The following UBTD1 variants were observed in gnomAD, a reference collection of about 807,000 sequenced individuals.
UBTD1 encodes the protein ubiquitin domain containing 1.
In UBTD1, 19 loss-of-function variants were observed where a neutral mutation model predicts 21.7. The observed-to-expected ratio is 0.87, with a 90% CI of 0.61 to 1.28. The LOEUF (loss-of-function observed/expected upper bound fraction) is 1.28, where lower values mean the gene tolerates loss of function less well. Ranked by LOEUF, UBTD1 falls within the 50% of genes most tolerant of loss-of-function variation. The probability of loss-of-function intolerance (pLI) is 0.00; values close to 1 mark genes in which losing one functional copy is unlikely to be tolerated. For missense variants in UBTD1, 282 were observed against 315.1 expected (o/e 0.89, Z 0.80); for synonymous variants, 116 against 135.1 (o/e 0.86, Z 0.98).
At chr10:97,554,591 C>G (rs2040655443) in intron 1 of UBTD1, among the ~76,000 whole-genome samples, 1 of 152,140 alleles carries the variant, frequency 6.6e-6, no homozygotes, top group Non-Finnish European at 1.5e-5. Flanking sequence ...CACTGTGTCA[C>G]CCAGGCTGGG....
At chr10:97,564,784 G>A (rs1026792014) in intron 1 of UBTD1, among the ~76,000 whole-genome samples, 3 of 152,118 alleles carry the variant, frequency 2.0e-5, no homozygotes, top group African/African-American at 4.8e-5. Context: ...AGCTGGTCTC[G>A]AACTCCTGAC....
At chr10:97,561,704 C>T (rs145199159) in intron 1 of UBTD1, among the ~76,000 whole-genome samples, 5,192 of 151,836 alleles carry the variant, frequency 0.034, 306 homozygotes, top group African/African-American at 0.12. Flanking sequence ...GGCCTGGCGC[C>T]GGGCTGCCTG....
chr10:97,555,600 G>A (rs2040660193), intron 1 of UBTD1, among the ~76,000 whole-genome samples: 2 of 152,168 alleles, frequency 1.3e-5, no homozygotes, highest in African/African-American at 4.8e-5. Flanking sequence ...TCCCTTTTAA[G>A]GGCTCACAAC....
At chr10:97,516,192 C>T (rs1039660221) in intron 1 of UBTD1, among the ~76,000 whole-genome samples, 2 of 152,196 alleles carry the variant, frequency 1.3e-5, no homozygotes, top group African/African-American at 4.8e-5. Context: ...AGGATTTTGG[C>T]AAGGCAGCCT....
intron 1 of UBTD1, among the ~76,000 whole-genome samples, chr10:97,526,371 C>G (rs2040488544): frequency 6.6e-6 from 1 of 152,210 alleles, no homozygotes; most frequent in East Asian, 1.9e-4. Flanking sequence ...TGCACTAAGA[C>G]TTTGATTCTA....
At chr10:97,548,969 C>G (rs777212790) in intron 1 of UBTD1, among the ~76,000 whole-genome samples, 10 of 152,184 alleles carry the variant, frequency 6.6e-5, no homozygotes. Flanking sequence ...GACTCACGGA[C>G]CAGAGAGCAG....
At chr10:97,529,067 C>T (rs958676600) in intron 1 of UBTD1, among the ~76,000 whole-genome samples, 8 of 151,440 alleles carry the variant, frequency 5.3e-5, no homozygotes, top group East Asian at 2.0e-4. Context: ...CAGGCAGAGA[C>T]GCTCCTCACC....
intron 1 of UBTD1, among the ~76,000 whole-genome samples, chr10:97,511,316 CTG>C (rs758517494): frequency 6.6e-6 from 1 of 152,106 alleles, no homozygotes; most frequent in Admixed American, 6.5e-5. Context: ...GTGATGTTAA[CTG>C]TGTGTCTTGA....
intron 1 of UBTD1, among the ~76,000 whole-genome samples, chr10:97,545,425 T>G (rs1201799104): frequency 2.3e-4 from 5 of 21,678 alleles, no homozygotes; most frequent in East Asian, 1.4e-3. Flanking sequence ...TGGGTGTGTG[T>G]GTGTGGGTGT....
intron 1 of UBTD1, among the ~76,000 whole-genome samples, chr10:97,552,287 T>G (rs1392566785): frequency 6.6e-6 from 1 of 151,690 alleles, no homozygotes; most frequent in Non-Finnish European, 1.5e-5. Context: ...GGTGGGAGCA[T>G]CGCTTGAGCC....
rs200875865 is a variant in UBTD1, at chr10:97,570,487, G to C, written c.648G>C (p.Gln216His). The change falls in exon 3 of 3, where the codon CAG becomes CAC. Residue 216 changes from glutamine to histidine, a missense_variant. Gln to His is a conservative substitution (Grantham distance 24). Coordinates refer to ENST00000370664, the MANE Select transcript of UBTD1 (RefSeq NM_024954.5). This position sits in a 1 kb window ranked among gnomAD's most constrained non-coding sequence, Gnocchi z 6.6. ...AGATCCAGAAAGATTTTGTCATCCAGGTCATCATCAACCAGCCCCCACCAC... is the reference window on the plus strand; with the variant it reads ...AGATCCAGAAAGATTTTGTCATCCACGTCATCATCAACCAGCCCCCACCAC... Reference protein sequence around the residue: ...ETKIQKDFVIQVIINQPPPPQ... With the variant: ...ETKIQKDFVIHVIINQPPPPQ... The C allele has an allele frequency of 8.5e-5, 137 of 1,610,492 alleles. 2 individuals carry two copies. Among genetic ancestry groups the C allele is most frequent in the Non-Finnish European group, 1.4e-5 (17 of 1,178,076 alleles).
At chr10:97,505,358 C>G (rs949508023) in intron 1 of UBTD1, among the ~76,000 whole-genome samples, 5 of 152,094 alleles carry the variant, frequency 3.3e-5, no homozygotes, top group African/African-American at 1.2e-4. Context: ...GTGTGGAGGT[C>G]AAGATATTAT....
intron 1 of UBTD1, among the ~76,000 whole-genome samples, chr10:97,533,080 C>T (rs760644668): frequency 2.2e-4 from 33 of 152,308 alleles, no homozygotes; most frequent in Non-Finnish European, 3.5e-4. Flanking sequence ...TGGGTCACCA[C>T]GGCGACAAGA....
chr10:97,562,120 C>T (rs75934312), intron 1 of UBTD1, among the ~76,000 whole-genome samples: 5,190 of 152,178 alleles, frequency 0.034, 302 homozygotes, highest in African/African-American at 0.12. Flanking sequence ...AACATTAAAA[C>T]GGTCCAGGCG....
At position 97,550,163 on chromosome 10, in the gene UBTD1, A is replaced by G. The variant is rs1589880467; in HGVS notation, c.71-17751A>G. On this transcript the variant is annotated intron_variant, in intron 1 of 2. Transcript: ENST00000370664. ...CTGGTGTGAGAGCCGTGTCTCTCAC[A>G]CCAGCCAGAGCAAGCCCAGACTTGT... Among the ~76,000 whole-genome samples, 3 of 152,026 alleles carry G rather than the reference A, an allele frequency of 2.0e-5. No individual in the cohort carries two copies. The South Asian group carries it at 6.2e-4, about 32-fold the overall frequency.
At chr10:97,569,580 G>C (rs1008220549) in intron 2 of UBTD1, among the ~76,000 whole-genome samples, 1 of 152,188 alleles carries the variant, frequency 6.6e-6, no homozygotes. Context: ...GTCTGCTCAG[G>C]CTCCTGTAAC....
intron 1 of UBTD1, among the ~76,000 whole-genome samples, chr10:97,552,612 C>T (rs951028086): frequency 2.0e-5 from 3 of 151,964 alleles, no homozygotes; most frequent in Admixed American, 1.3e-4. Flanking sequence ...CATGTTGTCC[C>T]AGCTGGTCTT....
intron 1 of UBTD1, among the ~76,000 whole-genome samples, chr10:97,561,961 T>C (rs2040694604): frequency 6.6e-6 from 1 of 152,124 alleles, no homozygotes; most frequent in South Asian, 2.1e-4. Context: ...TTCTAAGTCC[T>C]CCAACCAGTT....
intron 1 of UBTD1, among the ~76,000 whole-genome samples, chr10:97,548,561 C>A (rs1242983569): frequency 6.6e-6 from 1 of 152,160 alleles, no homozygotes; most frequent in Non-Finnish European, 1.5e-5. Context: ...TTTGAAAGGC[C>A]AAGGCAGGCG....
Sources: allele counts gnomAD v4.1 joint callset (sites outside exome capture counted in the v4.1 genomes callset), GRCh38; gene constraint gnomAD v4.1.1; non-coding constraint Gnocchi (gnomAD v3.1); transcripts MANE v1.5; gene names NCBI Gene and HGNC (gene_info 2026-07-23, HGNC 2026-07-21).